Variants in ZNF438 observed in about 807,000 individuals in gnomAD.
The protein encoded by ZNF438 is zinc finger protein 438.
Under a neutral mutation model 38.0 loss-of-function variants are expected in ZNF438, and 25 were observed. The ratio of observed to expected loss-of-function variants is 0.66; its 90% CI spans 0.48 to 0.92. The LOEUF (loss-of-function observed/expected upper bound fraction) is 0.92, where lower values mean the gene tolerates loss of function less well. ZNF438 is among the 40% of genes least tolerant of loss of function. The pLI is 0.00. For synonymous variants in ZNF438, 372 were observed against 364.1 expected (o/e 1.02, Z -0.25); for missense variants, 1,007 against 999.6 (o/e 1.01, Z -0.10).
intron 1 of ZNF438, among the ~76,000 whole-genome samples, chr10:30,948,804 GA>G (rs1398339970): frequency 6.6e-6 from 1 of 150,586 alleles, no homozygotes; most frequent in Non-Finnish European, 1.5e-5. Context: ...GGGGAGAATG[GA>G]ACCAAGTTGG....
At chr10:31,026,170 T>C (rs1045734786) in intron 1 of ZNF438, among the ~76,000 whole-genome samples, 3 of 152,170 alleles carry the variant, frequency 2.0e-5, no homozygotes, top group African/African-American at 4.8e-5. Context: ...ATTCAGGACA[T>C]AGGCATGGGC....
chr10:30,949,734 C>A (rs1014622535), intron 1 of ZNF438, among the ~76,000 whole-genome samples: 79 of 151,944 alleles, frequency 5.2e-4, no homozygotes, highest in Middle Eastern at 3.4e-3. Context: ...CAGGAGCACC[C>A]AGATTCATAA....
intron 2 of ZNF438, among the ~76,000 whole-genome samples, chr10:30,924,434 AT>A (rs1000709248): frequency 4.0e-4 from 61 of 152,288 alleles, no homozygotes; most frequent in African/African-American, 1.4e-3. Context: ...GGGGTGCGGC[AT>A]TTCCTTGTTT....
chr10:30,944,736 T>G (rs2047186075), intron 1 of ZNF438, among the ~76,000 whole-genome samples: 1 of 152,198 alleles, frequency 6.6e-6, no homozygotes, highest in Non-Finnish European at 1.5e-5. Flanking sequence ...ATGGAACAAA[T>G]TCAAGAGAAG....
At chr10:30,984,379 A>G (rs2052544098) in intron 1 of ZNF438, 1 of 152,158 alleles carries the variant, frequency 6.6e-6, no homozygotes, top group African/African-American at 2.4e-5. Context: ...CTATATCCCA[A>G]GGCTCCTGTA....
chr10:30,848,622 T>A, exon 5 of ZNF438: 1 of 1,614,220 alleles, frequency 6.2e-7, no homozygotes, highest in South Asian at 1.1e-5. Context: ...GGCTCAGTGC[T>A]GATCACAACC....
chr10:30,955,046 T>C (rs796927241), intron 1 of ZNF438, among the ~76,000 whole-genome samples: 5 of 152,192 alleles, frequency 3.3e-5, no homozygotes, highest in South Asian at 2.1e-4. Flanking sequence ...TGTTTCCCTA[T>C]TTGTGAATGG....
At chr10:30,905,986 T>G (rs1303683553) in intron 3 of ZNF438, among the ~76,000 whole-genome samples, 2 of 152,174 alleles carry the variant, frequency 1.3e-5, no homozygotes, top group Non-Finnish European at 2.9e-5. Flanking sequence ...GTCTTGAAAT[T>G]GAGAATGGGG....
chr10:31,031,606 G>A (rs901175500), intron 1 of ZNF438, among the ~76,000 whole-genome samples: 2 of 152,130 alleles, frequency 1.3e-5, no homozygotes, highest in Non-Finnish European at 2.9e-5. Context: ...CCGCCCCAGG[G>A]GAAAAGGTGC....
At chr10:30,855,416 G>A (rs1367047705) in intron 4 of ZNF438, among the ~76,000 whole-genome samples, 2 of 152,232 alleles carry the variant, frequency 1.3e-5, no homozygotes, top group Non-Finnish European at 2.9e-5. Context: ...ATCACAAAGA[G>A]TTTGTGGGGT....
At chr10:31,021,564 G>C (rs1589753440) in intron 1 of ZNF438, among the ~76,000 whole-genome samples, 1 of 151,534 alleles carries the variant, frequency 6.6e-6, no homozygotes, top group East Asian at 1.9e-4. Context: ...CATTTTAATG[G>C]ACATTTCTCA....
At chr10:30,955,827 T>A (rs374835299) in intron 1 of ZNF438, among the ~76,000 whole-genome samples, 247 of 152,342 alleles carry the variant, frequency 1.6e-3, no homozygotes, top group Middle Eastern at 0.01. Flanking sequence ...TATTATTATT[T>A]TTTTTAGTTG....
intron 1 of ZNF438, among the ~76,000 whole-genome samples, chr10:30,990,902 G>T (rs1480599750): frequency 6.6e-6 from 1 of 151,386 alleles, no homozygotes; most frequent in Non-Finnish European, 1.5e-5. Flanking sequence ...ACAACTTCCA[G>T]AATGGAGGAA....
At chr10:30,850,062 C>G (rs770148486) in exon 5 of ZNF438, 13 of 1,614,100 alleles carry the variant, frequency 8.1e-6, no homozygotes, top group Non-Finnish European at 1.1e-5. Flanking sequence ...TTCAGGTTTT[C>G]AGGTAGGGAC....
intron 1 of ZNF438, among the ~76,000 whole-genome samples, chr10:30,995,767 C>T (rs777435733): frequency 5.9e-5 from 9 of 151,976 alleles, no homozygotes; most frequent in Non-Finnish European, 1.2e-4. Context: ...CAAAGTTCTT[C>T]GGGAGTAAGA....
chr10:30,963,869 C>T (rs1206237953), intron 1 of ZNF438, among the ~76,000 whole-genome samples: 1 of 150,586 alleles, frequency 6.6e-6, no homozygotes, highest in Non-Finnish European at 1.5e-5. Flanking sequence ...GAGACTCCAT[C>T]TCAAAAAAAA....
At chr10:30,890,539 T>C (rs903551030) in intron 3 of ZNF438, among the ~76,000 whole-genome samples, 1 of 152,226 alleles carries the variant, frequency 6.6e-6, no homozygotes, top group Non-Finnish European at 1.5e-5. Context: ...CTTTGCTCTA[T>C]GGGCACCTTT....
chr10:30,997,939 C>T (rs113798029), intron 1 of ZNF438, among the ~76,000 whole-genome samples: 26 of 152,240 alleles, frequency 1.7e-4, no homozygotes, highest in African/African-American at 5.8e-4. Context: ...TAAGAGTTAG[C>T]TGCTATATAA....
intron 3 of ZNF438, among the ~76,000 whole-genome samples, chr10:30,881,797 A>T (rs1007054519): frequency 2.0e-5 from 3 of 152,184 alleles, no homozygotes; most frequent in Non-Finnish European, 4.4e-5. Context: ...ATGTATTTTC[A>T]TGAGAGTCCA....
Sources: allele counts gnomAD v4.1 joint callset (sites outside exome capture counted in the v4.1 genomes callset), GRCh38; gene constraint gnomAD v4.1.1; transcripts MANE v1.5; gene names NCBI Gene and HGNC (gene_info 2026-07-23, HGNC 2026-07-21).